Variants in GATAD2B observed in about 807,000 individuals in gnomAD.
The protein encoded by GATAD2B is GATA zinc finger domain containing 2B, also known as transcriptional repressor p66-beta.
In GATAD2B, 8 loss-of-function variants were observed where a neutral mutation model predicts 64.3. The ratio of observed to expected loss-of-function variants is 0.12; its 90% CI spans 0.07 to 0.22. The LOEUF (loss-of-function observed/expected upper bound fraction) is 0.22, where lower values mean the gene tolerates loss of function less well. GATAD2B is among the 10% of genes least tolerant of loss of function. The probability of loss-of-function intolerance (pLI) is 1.00; values close to 1 mark genes in which losing one functional copy is unlikely to be tolerated. For missense variants in GATAD2B, 453 were observed against 752.0 expected (o/e 0.60, Z 4.65); for synonymous variants, 281 against 271.3 (o/e 1.04, Z -0.35).
chr1:153,826,744 A>T (rs1366311475), intron 2 of GATAD2B, among the ~76,000 whole-genome samples: 1 of 152,118 alleles, frequency 6.6e-6, no homozygotes, highest in Non-Finnish European at 1.5e-5. Context: ...GTTTGAGACC[A>T]GCCTGGGCAA....
At chr1:153,873,081 C>T (rs1457832628) in intron 1 of GATAD2B, among the ~76,000 whole-genome samples, 4 of 151,964 alleles carry the variant, frequency 2.6e-5, no homozygotes, top group Non-Finnish European at 5.9e-5. Flanking sequence ...ATCAGCATTG[C>T]TTTTGGATAT....
At chr1:153,886,870 GT>G (rs1444765486) in intron 1 of GATAD2B, among the ~76,000 whole-genome samples, 1 of 151,864 alleles carries the variant, frequency 6.6e-6, no homozygotes, top group Admixed American at 6.6e-5. Context: ...AAAAATAGCT[GT>G]TTTTTTAAAA....
chr1:153,837,419 A>G (rs2101898597), intron 1 of GATAD2B, among the ~76,000 whole-genome samples: 1 of 151,614 alleles, frequency 6.6e-6, no homozygotes, highest in African/African-American at 2.4e-5. Context: ...CAGCTAAGGT[A>G]GGGGTGGGGA....
intron 1 of GATAD2B, among the ~76,000 whole-genome samples, chr1:153,876,661 A>C (rs1676845629): frequency 6.6e-6 from 1 of 152,252 alleles, no homozygotes; most frequent in African/African-American, 2.4e-5. Flanking sequence ...ATCAGCACAG[A>C]AGTTCTGACA....
intron 1 of GATAD2B, among the ~76,000 whole-genome samples, chr1:153,899,450 C>T (rs1677699435): frequency 6.6e-6 from 1 of 151,870 alleles, no homozygotes; most frequent in African/African-American, 2.4e-5. Context: ...GCCTGTAATC[C>T]CAGCAACTTG....
intron 1 of GATAD2B, among the ~76,000 whole-genome samples, chr1:153,906,010 T>A (rs187285885): frequency 7.1e-4 from 102 of 143,998 alleles, no homozygotes; most frequent in Non-Finnish European, 1.1e-3. Context: ...GAGGTTGCAC[T>A]GGGCCGAGAT....
intron 1 of GATAD2B, among the ~76,000 whole-genome samples, chr1:153,846,544 T>G (rs1381010400): frequency 3.3e-5 from 5 of 151,422 alleles, no homozygotes; most frequent in Admixed American, 6.6e-5. Flanking sequence ...AACCCCTTCT[T>G]GTTCTTTGCG....
At chr1:153,835,784 G>A (rs989180078) in intron 1 of GATAD2B, among the ~76,000 whole-genome samples, 1 of 151,620 alleles carries the variant, frequency 6.6e-6, no homozygotes, top group Non-Finnish European at 1.5e-5. Flanking sequence ...GTGGAGTGGC[G>A]TGATCTCGGT....
At chr1:153,879,006 C>T (rs1227066024) in intron 1 of GATAD2B, among the ~76,000 whole-genome samples, 2 of 151,984 alleles carry the variant, frequency 1.3e-5, no homozygotes, top group African/African-American at 4.8e-5. Flanking sequence ...GTGGTACGAT[C>T]TTGGCTCACT....
intron 1 of GATAD2B, among the ~76,000 whole-genome samples, chr1:153,867,232 GA>G (rs1472966532): frequency 6.6e-6 from 1 of 152,116 alleles, no homozygotes; most frequent in Non-Finnish European, 1.5e-5. Flanking sequence ...AGAACCAAAA[GA>G]AACCACACTG....
At chr1:153,831,493 TA>T (rs777328434) in intron 1 of GATAD2B, among the ~76,000 whole-genome samples, 23 of 152,166 alleles carry the variant, frequency 1.5e-4, no homozygotes, top group Non-Finnish European at 2.9e-4. Context: ...TCCCAGAACT[TA>T]AAGTAAAATA....
At chr1:153,917,321 C>G (rs890690302) in intron 1 of GATAD2B, among the ~76,000 whole-genome samples, 1 of 151,762 alleles carries the variant, frequency 6.6e-6, no homozygotes, top group Non-Finnish European at 1.5e-5. Flanking sequence ...TGGTCTTGAA[C>G]TCCTGACCTC....
In GATAD2B at chr1:153,810,083, A is replaced by G. The variant is rs1674242270; in HGVS notation, c.*94T>C. The G allele has an allele frequency of 1.6e-6, 2 of 1,221,392 alleles. No individual in the cohort carries two copies. The highest frequency in any genetic ancestry group is 2.3e-6 in the Non-Finnish European group (2 of 875,236). 75.7% of individuals were successfully genotyped at this position (1,221,392 alleles called of 1,614,324 possible). On this transcript the variant is annotated 3_prime_UTR_variant, in exon 11 of 11. Coordinates refer to ENST00000368655, the MANE Select transcript of GATAD2B (RefSeq NM_020699.4). ...GTTTTGCTTTCCGTGTATGGTAGGC[A>G]CCAGTACAGGCACTGCATGCGACAG...
intron 1 of GATAD2B, among the ~76,000 whole-genome samples, chr1:153,848,738 G>C (rs6666957): frequency 6.6e-6 from 1 of 151,938 alleles, no homozygotes; most frequent in African/African-American, 2.4e-5. Context: ...TGGATCATGA[G>C]GTCAGGAGTT....
Position 153,812,044 on chromosome 1 carries a change from A to G in GATAD2B, c.1508T>C (p.Met503Thr). 1 of 1,608,676 alleles carries G rather than the reference A, an allele frequency of 6.2e-7. No homozygotes were observed. Among genetic ancestry groups the G allele is most frequent in the Non-Finnish European group, 8.5e-7 (1 of 1,175,448 alleles). The change falls in exon 9 of 11, where the codon ATG (methionine) becomes ACG (threonine). Residue 503 changes from methionine (M) to threonine (T), a missense_variant. By Grantham distance (81) the Met-to-Thr change is moderately conservative. Transcript: ENST00000368655. Reference sequence around the variant, plus strand: ...TACCTGCCGAAGCGTATGATGTCTCATGATGGTCTCTTGTTTACTGACACT... The same window carrying G: ...TACCTGCCGAAGCGTATGATGTCTCGTGATGGTCTCTTGTTTACTGACACT... ...VSSVSKQETI[M>T]RHHTLRQAPQ... is the part of the protein sequence containing the mutation.
rs1436752822 is a variant in GATAD2B, at chr1:153,864,031, T to G, written c.-1-35683A>C. ...AAAATTCTTTTTATCCTTTATACCATGGAAGTAATAATAATAGGCACTAGG... is the reference window on the plus strand; with the variant it reads ...AAAATTCTTTTTATCCTTTATACCAGGGAAGTAATAATAATAGGCACTAGG... On this transcript the variant is annotated intron_variant, in intron 1 of 10. Coordinates refer to ENST00000368655, the MANE Select transcript of GATAD2B (RefSeq NM_020699.4). Among the ~76,000 whole-genome samples the G allele has an allele frequency of 4.6e-5, 7 of 152,288 alleles. No homozygotes were observed. In the East Asian group the frequency reaches 1.3e-3, roughly 29 times the overall value.
intron 1 of GATAD2B, among the ~76,000 whole-genome samples, chr1:153,854,794 A>G (rs1676024695): frequency 6.6e-6 from 1 of 152,218 alleles, no homozygotes. Context: ...TTGCAAAAGG[A>G]AAAACACATC....
In GATAD2B at chr1:153,813,413, A is replaced by G; in HGVS notation, c.1256T>C (p.Val419Ala). 6.2e-7 allele frequency: 1 copy of G among 1,614,178 alleles called. No individual in the cohort carries two copies. The highest frequency in any genetic ancestry group is 8.5e-7 in the Non-Finnish European group (1 of 1,180,020). The change falls in exon 8 of 11, where the codon GTA (valine) becomes GCA (alanine). Residue 419 changes from valine (V) to alanine (A), a missense_variant. Physicochemically the swap from Val to Ala is moderately conservative, Grantham distance 64. Coordinates refer to ENST00000368655, the MANE Select transcript of GATAD2B (RefSeq NM_020699.4). Reference protein sequence around the residue: ...CASLLRVEPFVCAQCRTDFTP... With the variant: ...CASLLRVEPFACAQCRTDFTP... ...GAAATCTGTGCGGCACTGGGCACAT[A>G]CAAAGGGTTCAACCCGCAGAAGTGA...
At chr1:153,874,589 GTTT>G (rs1267619052) in intron 1 of GATAD2B, among the ~76,000 whole-genome samples, 1 of 151,488 alleles carries the variant, frequency 6.6e-6, no homozygotes, top group Non-Finnish European at 1.5e-5. Context: ...TGTTGTTTTT[GTTT>G]TTGAGACGGA....
Sources: allele counts gnomAD v4.1 joint callset (sites outside exome capture counted in the v4.1 genomes callset), GRCh38; gene constraint gnomAD v4.1.1; transcripts MANE v1.5; gene names NCBI Gene and HGNC (gene_info 2026-07-23, HGNC 2026-07-21).